EEFSEC: variants seen among roughly 807,000 people sequenced by gnomAD.
The protein encoded by EEFSEC is eukaryotic elongation factor, selenocysteine-tRNA specific.
EEFSEC carries 43 observed loss-of-function variants against 42.1 expected under a neutral mutation model. The observed-to-expected ratio is 1.02, with a 90% CI of 0.80 to 1.32. EEFSEC has a LOEUF of 1.32. EEFSEC is among the 40% of genes most tolerant of loss of function. EEFSEC has a pLI of 0.00. For missense variants in EEFSEC, 745 were observed against 803.6 expected, an observed-to-expected ratio of 0.93 and a Z score of 0.88; for synonymous variants, 354 against 339.1, an observed-to-expected ratio of 1.04 and a Z score of -0.48.
At chr3:128,282,492 A>C (rs2066537847) in intron 4 of EEFSEC, among the ~76,000 whole-genome samples, 1 of 152,226 alleles carries the variant, frequency 6.6e-6, no homozygotes, top group Non-Finnish European at 1.5e-5. Context: ...GTTCCAGCGC[A>C]ATTGAAAGCA....
chr3:128,416,530 G>A, the EEFSEC span, among the ~76,000 whole-genome samples: 7 of 152,308 alleles, frequency 4.6e-5, no homozygotes, highest in East Asian at 1.2e-3. Context: ...GCAGCAGCTT[G>A]TCCCTGAAAG....
intron 6 of EEFSEC, among the ~76,000 whole-genome samples, chr3:128,362,546 C>T (rs2067540182): frequency 1.3e-5 from 2 of 152,248 alleles, no homozygotes; most frequent in Non-Finnish European, 1.5e-5. Context: ...GCCCCTCTCC[C>T]ACAGGGTGCT....
intron 1 of EEFSEC, among the ~76,000 whole-genome samples, chr3:128,161,482 T>C (rs767415277): frequency 6.6e-6 from 1 of 152,166 alleles, no homozygotes; most frequent in Non-Finnish European, 1.5e-5. Flanking sequence ...CTGTACACAC[T>C]ATTTTAGCGG....
At chr3:128,243,964 G>C (rs1474433455) in intron 1 of EEFSEC, among the ~76,000 whole-genome samples, 3 of 152,242 alleles carry the variant, frequency 2.0e-5, no homozygotes, top group African/African-American at 7.2e-5. Flanking sequence ...GGGCTAGGTA[G>C]TGGCAGGTGT....
intron 4 of EEFSEC, among the ~76,000 whole-genome samples, chr3:128,331,365 TC>T (rs1362640924): frequency 2.6e-5 from 2 of 75,916 alleles, no homozygotes; most frequent in Non-Finnish European, 5.1e-5. Flanking sequence ...TCTCCCCTCT[TC>T]CACCCCTTCC....
intron 6 of EEFSEC, among the ~76,000 whole-genome samples, chr3:128,386,773 AG>A (rs2067843840): frequency 6.6e-6 from 1 of 152,192 alleles, no homozygotes; most frequent in Non-Finnish European, 1.5e-5. Context: ...AGGAGGTGCC[AG>A]GCTCCTTTAA....
At chr3:128,335,132 T>C (rs1310942207) in intron 4 of EEFSEC, among the ~76,000 whole-genome samples, 3 of 152,232 alleles carry the variant, frequency 2.0e-5, no homozygotes, top group Non-Finnish European at 4.4e-5. Context: ...TCCTTTCAGT[T>C]ACTCTTCCCA....
chr3:128,227,758 G>T (rs1240034566), intron 1 of EEFSEC, among the ~76,000 whole-genome samples: 2 of 152,130 alleles, frequency 1.3e-5, no homozygotes, highest in African/African-American at 4.8e-5. Flanking sequence ...TTGGATGAGA[G>T]TTCCTTGACC....
the EEFSEC span, among the ~76,000 whole-genome samples, chr3:128,415,274 C>T: frequency 4.6e-5 from 7 of 152,150 alleles, no homozygotes; most frequent in East Asian, 9.7e-4. Flanking sequence ...GAGGGCTCTG[C>T]GGTGCCAGGG....
chr3:128,390,195 A>G (rs1424952760), intron 6 of EEFSEC, among the ~76,000 whole-genome samples: 1 of 152,250 alleles, frequency 6.6e-6, no homozygotes, highest in Non-Finnish European at 1.5e-5. Flanking sequence ...AGTCATGATT[A>G]ACACAAAAGT....
intron 5 of EEFSEC, among the ~76,000 whole-genome samples, chr3:128,348,220 T>C (rs912050154): frequency 1.5e-5 from 2 of 137,202 alleles, no homozygotes; most frequent in Non-Finnish European, 3.2e-5. Flanking sequence ...TATATAGATA[T>C]AGGCAGATAT....
At chr3:128,224,701 A>G (rs976814153) in intron 1 of EEFSEC, among the ~76,000 whole-genome samples, 2 of 152,238 alleles carry the variant, frequency 1.3e-5, no homozygotes, top group African/African-American at 2.4e-5. Context: ...ATCTTTAAAA[A>G]ATATAGACAT....
rs565444522 is a variant in EEFSEC at position 128,173,576 on chromosome 3, G to C, written c.316+19753G>C. 8.5e-5 allele frequency among the ~76,000 whole-genome samples: 13 copies of C among 152,278 alleles called. No homozygotes were observed. In the South Asian group the frequency reaches 2.5e-3, roughly 29 times the overall value. On this transcript the variant is annotated intron_variant, in intron 1 of 6. Transcript: ENST00000254730. Reference sequence around the variant, plus strand: ...TCAGATTGAATAACCATTCTGAAGTGCTCCCCTTTTAAAAGAGTTTCCTTC... The same window carrying C: ...TCAGATTGAATAACCATTCTGAAGTCCTCCCCTTTTAAAAGAGTTTCCTTC...
intron 6 of EEFSEC, among the ~76,000 whole-genome samples, chr3:128,391,877 T>G (rs1469063752): frequency 1.3e-5 from 2 of 152,180 alleles, no homozygotes; most frequent in Non-Finnish European, 2.9e-5. Context: ...AGTGAGCTTC[T>G]GCTTGTGCTG....
chr3:128,316,705 C>T (rs926641741), intron 4 of EEFSEC, among the ~76,000 whole-genome samples: 1 of 152,148 alleles, frequency 6.6e-6, no homozygotes, highest in Non-Finnish European at 1.5e-5. Flanking sequence ...GGACCTGGGG[C>T]GGTGAGCCAG....
intron 3 of EEFSEC, 130 bp from the exon 4 acceptor site, chr3:128,264,487 T>C: frequency 1.9e-6 from 2 of 1,034,900 alleles, no homozygotes; most frequent in Non-Finnish European, 1.4e-6. Flanking sequence ...TGCCAGGGCA[T>C]GGACCTCTGA....
chr3:128,422,286 C>T, the EEFSEC span, among the ~76,000 whole-genome samples: 1 of 152,200 alleles, frequency 6.6e-6, no homozygotes, highest in African/African-American at 2.4e-5. Flanking sequence ...TGGCATGGGG[C>T]GGCTCCTGCA....
intron 5 of EEFSEC, among the ~76,000 whole-genome samples, chr3:128,353,554 T>C (rs914122449): frequency 1.3e-5 from 2 of 152,252 alleles, no homozygotes; most frequent in African/African-American, 2.4e-5. Context: ...CAACTGGGAC[T>C]AGCAGGGATG....
At chr3:128,192,919 C>T (rs2065541531) in intron 1 of EEFSEC, among the ~76,000 whole-genome samples, 1 of 152,196 alleles carries the variant, frequency 6.6e-6, no homozygotes, top group African/African-American at 2.4e-5. Context: ...GGGGCATCTG[C>T]TTGCTTTAAA....
Sources: gnomAD v4.1 joint callset for allele counts (sites outside exome capture counted in the v4.1 genomes callset) on GRCh38, gnomAD v4.1.1 for gene constraint, MANE v1.5 for transcripts, NCBI Gene and HGNC (gene_info 2026-07-23, HGNC 2026-07-21) for gene names.